Variants in GAP43 observed in about 807,000 individuals in gnomAD.
GAP43 encodes growth associated protein 43.
Under a neutral mutation model 18.6 loss-of-function variants are expected in GAP43, and 6 were observed. The ratio of observed to expected loss-of-function variants is 0.32; its 90% CI spans 0.18 to 0.64. The LOEUF (loss-of-function observed/expected upper bound fraction) is 0.64. GAP43 is among the 30% of genes least tolerant of loss of function. The pLI is 0.78. For synonymous variants in GAP43, 115 were observed against 111.4 expected (o/e 1.03, Z -0.20); for missense variants, 292 against 295.5 (o/e 0.99, Z 0.09).
chr3:115,708,940 GTTTTTTT>G (rs3086974), intron 2 of GAP43, among the ~76,000 whole-genome samples: 52 of 99,792 alleles, frequency 5.2e-4, no homozygotes, highest in African/African-American at 1.9e-3. Context: ...AACTGGCTGG[GTTTTTTT>G]TTTTTTTTTT....
chr3:115,711,531 A>T (rs1709438822), intron 2 of GAP43, among the ~76,000 whole-genome samples: 1 of 152,180 alleles, frequency 6.6e-6, no homozygotes, highest in Non-Finnish European at 1.5e-5. Context: ...AGAAAGGAGG[A>T]AAACAAAAAT....
intron 2 of GAP43, among the ~76,000 whole-genome samples, chr3:115,686,599 G>GT (rs1709036551): frequency 6.6e-6 from 1 of 152,064 alleles, no homozygotes; most frequent in Admixed American, 6.6e-5. Context: ...TTAAACATGA[G>GT]TTAAAAGTAA....
intron 2 of GAP43, among the ~76,000 whole-genome samples, chr3:115,714,705 ATTGT>A (rs1407675197): frequency 2.9e-4 from 4 of 13,586 alleles, no homozygotes; most frequent in African/African-American, 5.1e-4. Flanking sequence ...ATTTTTGTTT[ATTGT>A]TTTTTTTTTT....
intron 2 of GAP43, among the ~76,000 whole-genome samples, chr3:115,709,464 T>C (rs1272605512): frequency 6.6e-6 from 1 of 152,124 alleles, no homozygotes; most frequent in Non-Finnish European, 1.5e-5. Flanking sequence ...TCCTGTGGAG[T>C]GAAACGGGGA....
chr3:115,660,413 C>T (rs1007955625), intron 1 of GAP43, among the ~76,000 whole-genome samples: 6 of 152,202 alleles, frequency 3.9e-5, no homozygotes, highest in African/African-American at 1.4e-4. Flanking sequence ...CATTTGCACA[C>T]AATTCAAACT....
intron 1 of GAP43, among the ~76,000 whole-genome samples, chr3:115,627,003 G>C (rs910519405): frequency 6.6e-6 from 1 of 150,420 alleles, no homozygotes; most frequent in Non-Finnish European, 1.5e-5. Flanking sequence ...AATTAATTAA[G>C]CTGAGCCATT....
At chr3:115,719,471 G>T (rs922423339) in intron 2 of GAP43, among the ~76,000 whole-genome samples, 1 of 152,066 alleles carries the variant, frequency 6.6e-6, no homozygotes, top group Non-Finnish European at 1.5e-5. Flanking sequence ...TTTCTTCTGG[G>T]AGTCTGAATT....
At chr3:115,692,047 A>T (rs1035469769) in intron 2 of GAP43, among the ~76,000 whole-genome samples, 17 of 152,228 alleles carry the variant, frequency 1.1e-4, no homozygotes, top group Admixed American at 1.1e-3. Flanking sequence ...TTCATCTCCT[A>T]AGATTATTTG....
intron 2 of GAP43, among the ~76,000 whole-genome samples, chr3:115,692,689 C>T (rs758933217): frequency 1.4e-4 from 22 of 152,052 alleles, no homozygotes; most frequent in Non-Finnish European, 2.9e-4. Context: ...TTGAAGTGGT[C>T]GGAAGTTTTC....
At chr3:115,637,699 C>T (rs965345231) in intron 1 of GAP43, among the ~76,000 whole-genome samples, 2 of 152,084 alleles carry the variant, frequency 1.3e-5, no homozygotes, top group African/African-American at 2.4e-5. Flanking sequence ...TCCAAACCTA[C>T]TTCCTTGGCT....
At chr3:115,668,509 C>T (rs1228392141) in intron 1 of GAP43, among the ~76,000 whole-genome samples, 2 of 152,178 alleles carry the variant, frequency 1.3e-5, no homozygotes, top group Non-Finnish European at 2.9e-5. Context: ...ATCGCAACCT[C>T]CGCCTCCTGG....
chr3:115,694,116 G>C (rs1013738113), intron 2 of GAP43, among the ~76,000 whole-genome samples: 1 of 152,130 alleles, frequency 6.6e-6, no homozygotes, highest in Non-Finnish European at 1.5e-5. Flanking sequence ...TTGCAGGGGA[G>C]GGGGGAGCAG....
chr3:115,624,443 G>T lies in GAP43; in HGVS notation c.30+724G>T, dbSNP rs28370253. Among the ~76,000 whole-genome samples, 272 of 152,172 alleles carry T rather than the reference G, an allele frequency of 1.8e-3. 2 individuals carry two copies. The highest frequency in any genetic ancestry group is 2.8e-3 in the Non-Finnish European group (191 of 68,000). On this transcript the variant is annotated intron_variant, in intron 1 of 2. Transcript: ENST00000305124. ...GAGAGGGTGGACCACGCCCCTAGGA[G>T]CTCCGATGGGATGGGAAAGACAGCC...
chr3:115,660,521 G>C (rs1201457531), intron 1 of GAP43, among the ~76,000 whole-genome samples: 1 of 152,206 alleles, frequency 6.6e-6, no homozygotes, highest in Admixed American at 6.5e-5. Flanking sequence ...CATAAAGTTG[G>C]AGTCAGGTTG....
At chr3:115,635,102 C>T (rs764199585) in intron 1 of GAP43, among the ~76,000 whole-genome samples, 1 of 151,980 alleles carries the variant, frequency 6.6e-6, no homozygotes, top group East Asian at 1.9e-4. Context: ...TCTATTCAAA[C>T]GTCATTTTTT....
intron 1 of GAP43, among the ~76,000 whole-genome samples, chr3:115,633,456 A>T (rs911605512): frequency 6.6e-6 from 1 of 152,164 alleles, no homozygotes; most frequent in Non-Finnish European, 1.5e-5. Flanking sequence ...ATGTCCACAT[A>T]GTCCACATGT....
intron 1 of GAP43, among the ~76,000 whole-genome samples, chr3:115,655,734 G>GAATATTATAGTATTC (rs1247462528): frequency 1.3e-5 from 2 of 152,098 alleles, no homozygotes; most frequent in Admixed American, 6.5e-5. Flanking sequence ...CATTTTCATT[G>GAATATTATAGTATTC]AATACTATAA....
chr3:115,686,007 C>G (rs946826980), intron 2 of GAP43, among the ~76,000 whole-genome samples: 1 of 152,176 alleles, frequency 6.6e-6, no homozygotes, highest in Non-Finnish European at 1.5e-5. Context: ...AAACAAAACT[C>G]TAACAGCCTT....
intron 2 of GAP43, among the ~76,000 whole-genome samples, chr3:115,698,308 A>C (rs1210822998): frequency 2.5e-5 from 2 of 81,448 alleles, no homozygotes; most frequent in Admixed American, 5.1e-4. Context: ...TATATATAAA[A>C]TATATATAAT....
Sources: gnomAD v4.1 joint callset for allele counts (sites outside exome capture counted in the v4.1 genomes callset) on GRCh38, gnomAD v4.1.1 for gene constraint, MANE v1.5 for transcripts, NCBI Gene and HGNC (gene_info 2026-07-23, HGNC 2026-07-21) for gene names.